Variants in TRHR observed in about 807,000 individuals in gnomAD.
TRHR encodes the protein thyrotropin releasing hormone receptor.
A neutral mutation model predicts 28.0 loss-of-function variants in TRHR; 14 were observed. The ratio of observed to expected loss-of-function variants is 0.50; its 90% confidence interval spans 0.33 to 0.78. The LOEUF (loss-of-function observed/expected upper bound fraction) is 0.78. Ranked by LOEUF, TRHR falls within the 30% of genes least tolerant of loss-of-function variation. The pLI, the probability that TRHR is intolerant of heterozygous loss-of-function variation, is 0.02. For missense variants in TRHR, 438 were observed against 469.5 expected (o/e 0.93, Z 0.62); for synonymous variants, 176 against 171.9 (o/e 1.02, Z -0.18).
At chr8:109,117,982 G>T (rs961571520) in intron 2 of TRHR, among the ~76,000 whole-genome samples, 4 of 151,930 alleles carry the variant, frequency 2.6e-5, no homozygotes, top group African/African-American at 7.2e-5. Flanking sequence ...AGCAATCTGG[G>T]ATATTGACCT....
At chr8:109,109,647 A>G (rs1811800379) in intron 2 of TRHR, among the ~76,000 whole-genome samples, 1 of 152,168 alleles carries the variant, frequency 6.6e-6, no homozygotes, top group Non-Finnish European at 1.5e-5. Flanking sequence ...CCTGTCTCAC[A>G]TAGACTGTCA....
chr8:109,119,381 A>C lies in TRHR; in HGVS notation c.1123A>C (p.Thr375Pro). ...TELDDITVTD[T>P]YLSATKVSFD... ...GCTTGATGATATCACTGTCACTGAC[A>C]CTTACCTGTCTGCCACAAAAGTGTC... is the stretch of plus-strand genomic sequence containing the variant. The change falls in exon 3 of 3, where the codon ACT becomes CCT. Residue 375 changes from threonine to proline, a missense_variant. Transcript: ENST00000518632. The C allele has an allele frequency of 6.2e-7, 1 of 1,612,454 alleles. No individual in the cohort carries two copies. The highest frequency in any genetic ancestry group is 1.1e-5 in the South Asian group (1 of 91,006).
chr8:109,115,644 G>A (rs1811909749), intron 2 of TRHR, among the ~76,000 whole-genome samples: 1 of 152,042 alleles, frequency 6.6e-6, no homozygotes, highest in Admixed American at 6.6e-5. Flanking sequence ...TGTGATTTTT[G>A]CACATTGATT....
chr8:109,118,030 T>C (rs936413545), intron 2 of TRHR, among the ~76,000 whole-genome samples: 1 of 151,928 alleles, frequency 6.6e-6, no homozygotes, highest in Admixed American at 6.6e-5. Flanking sequence ...GCATTGCTTA[T>C]ACTTAGGAGT....
In TRHR at chr8:109,119,080, G is replaced by C. The variant is rs566366964; in HGVS notation, c.822G>C (p.Leu274=). 914 of 1,612,714 alleles carry C rather than the reference G, an allele frequency of 5.7e-4. 18 individuals are homozygous for C. The South Asian group carries it at 9.7e-3, about 17-fold the overall frequency. Residue 274 remains leucine, a synonymous_variant, in exon 3 of 3, where the codon CTG becomes CTC. Transcript: ENST00000518632. ...AGATGCTGGCAGTGGTTGTAATTCT[G>C]TTTGCCCTTTTATGGATGCCCTACA... ...VTKMLAVVVI[L]FALLWMPYRT...
intron 2 of TRHR, among the ~76,000 whole-genome samples, chr8:109,092,402 T>C (rs116201047): frequency 0.14 from 20,579 of 150,604 alleles, 1,627 homozygotes; most frequent in African/African-American, 0.21. Context: ...CTTTCCTTTT[T>C]ATTTATTATT....
chr8:109,109,188 C>T (rs376775837), intron 2 of TRHR, among the ~76,000 whole-genome samples: 9 of 152,116 alleles, frequency 5.9e-5, no homozygotes, highest in Non-Finnish European at 1.0e-4. Context: ...CTCCCACATA[C>T]GACCTCCACC....
intron 2 of TRHR, among the ~76,000 whole-genome samples, chr8:109,097,331 AAT>A (rs202140526): frequency 6.6e-6 from 1 of 151,684 alleles, no homozygotes; most frequent in Non-Finnish European, 1.5e-5. Flanking sequence ...TCTTCTTAAA[AAT>A]ATATATATAT....
chr8:109,115,357 G>A (rs1256796802), intron 2 of TRHR, among the ~76,000 whole-genome samples: 1 of 152,250 alleles, frequency 6.6e-6, no homozygotes, highest in South Asian at 2.1e-4. Context: ...AAAGTCATTG[G>A]TAGCTTGATG....
chr8:109,096,718 G>A (rs1253314386), intron 2 of TRHR, among the ~76,000 whole-genome samples: 1 of 151,978 alleles, frequency 6.6e-6, no homozygotes, highest in African/African-American at 2.4e-5. Flanking sequence ...CTTTTTTTGT[G>A]GAGAGATGGT....
At chr8:109,101,763 G>C (rs139360047) in intron 2 of TRHR, among the ~76,000 whole-genome samples, 2 of 152,234 alleles carry the variant, frequency 1.3e-5, no homozygotes, top group African/African-American at 4.8e-5. Context: ...AGGCTCAGAA[G>C]AAACATATAG....
chr8:109,091,547 A>G (rs1027812071), intron 2 of TRHR, among the ~76,000 whole-genome samples: 1 of 152,190 alleles, frequency 6.6e-6, no homozygotes, highest in African/African-American at 2.4e-5. Context: ...CATCTGGGTC[A>G]GGTCTTTCTA....
Position 109,088,070 on chromosome 8 carries a change from T to G in TRHR, c.558T>G (p.Asn186Lys), listed in dbSNP as rs747217985. 1.7e-5 allele frequency: 28 copies of G among 1,614,080 alleles called. No individual in the cohort carries two copies. The highest frequency in any genetic ancestry group is 2.3e-5 in the Non-Finnish European group (27 of 1,180,046). ...VISCGYKISR[N>K]YYSPIYLMDF... ...CCTGTGGCTACAAGATCTCCAGGAA[T>G]TACTACTCACCTATTTACCTAATGG... The change falls in exon 2 of 3, where the codon AAT becomes AAG. Residue 186 changes from asparagine to lysine, a missense_variant. By Grantham distance (94) the Asn-to-Lys change is moderately conservative (BLOSUM62 0). Transcript: ENST00000518632.
chr8:109,094,075 A>C (rs536820626), intron 2 of TRHR, among the ~76,000 whole-genome samples: 2 of 152,240 alleles, frequency 1.3e-5, no homozygotes, highest in Non-Finnish European at 2.9e-5. Flanking sequence ...TGCCAGCTCC[A>C]CCTACATCTA....
chr8:109,116,600 A>T (rs190807150), intron 2 of TRHR, among the ~76,000 whole-genome samples: 1,541 of 152,170 alleles, frequency 0.01, 14 homozygotes, highest in Non-Finnish European at 0.013. Context: ...AGAGGTGTTT[A>T]TAGTACATTC....
chr8:109,108,467 G>A (rs761350499), intron 2 of TRHR, among the ~76,000 whole-genome samples: 7 of 152,132 alleles, frequency 4.6e-5, no homozygotes, highest in Non-Finnish European at 8.8e-5. Context: ...TCAGAGAAGT[G>A]TTACAGCTAG....
chr8:109,116,610 C>A (rs1398403897), intron 2 of TRHR, among the ~76,000 whole-genome samples: 4 of 152,100 alleles, frequency 2.6e-5, no homozygotes, highest in African/African-American at 9.7e-5. Context: ...ATAGTACATT[C>A]TGATGGTAGT....
At chr8:109,112,918 G>T (rs1208175734) in intron 2 of TRHR, among the ~76,000 whole-genome samples, 1 of 152,094 alleles carries the variant, frequency 6.6e-6, no homozygotes, top group South Asian at 2.1e-4. Flanking sequence ...AAATTTCAGA[G>T]TAATATGGCT....
At chr8:109,099,810 T>C (rs946946236) in intron 2 of TRHR, among the ~76,000 whole-genome samples, 1 of 152,218 alleles carries the variant, frequency 6.6e-6, no homozygotes, top group Non-Finnish European at 1.5e-5. Flanking sequence ...AATATAATTA[T>C]ATAGTAGCTG....
Sources: allele counts gnomAD v4.1 joint callset (sites outside exome capture counted in the v4.1 genomes callset), GRCh38; gene constraint gnomAD v4.1.1; transcripts MANE v1.5; gene names NCBI Gene and HGNC (gene_info 2026-07-23, HGNC 2026-07-21).